Variants in HIVEP3 observed in about 807,000 individuals in gnomAD.
The protein encoded by HIVEP3 is HIVEP zinc finger 3, also known as transcription factor HIVEP3.
A neutral mutation model predicts 152.8 loss-of-function variants in HIVEP3; 49 were observed. That is an observed-to-expected ratio of 0.32 (90% CI 0.26 to 0.41). The LOEUF is 0.41. Among genes scored for constraint, HIVEP3 ranks in the 10% least tolerant of loss-of-function variants. HIVEP3 has a pLI of 1.00. For synonymous variants in HIVEP3, 1,269 were observed against 1,289.0 expected, an observed-to-expected ratio of 0.98 and a Z score of 0.33; for missense variants, 2,790 against 3,103.3, an observed-to-expected ratio of 0.90 and a Z score of 2.40.
chr1:41,634,121 TA>T (rs11337584), intron 2 of HIVEP3, among the ~76,000 whole-genome samples: 18,621 of 141,658 alleles, frequency 0.13, 1,958 homozygotes, highest in East Asian at 0.49. Context: ...CATCTTTTCT[TA>T]AAAAAAAAAA....
intron 1 of HIVEP3, among the ~76,000 whole-genome samples, chr1:41,906,697 T>C (rs1289517154): frequency 1.3e-5 from 2 of 152,174 alleles, no homozygotes; most frequent in Admixed American, 1.3e-4. Flanking sequence ...TTATACTCAA[T>C]TTAGAAAATA....
intron 5 of HIVEP3, among the ~76,000 whole-genome samples, chr1:41,571,200 GT>G (rs567779385): frequency 2.0e-5 from 3 of 152,310 alleles, no homozygotes; most frequent in Admixed American, 2.0e-4. Flanking sequence ...ACTGGGCTTG[GT>G]CAGCCAGGTG....
chr1:41,686,085 T>TG (rs1428845633), intron 2 of HIVEP3, among the ~76,000 whole-genome samples: 6 of 134,996 alleles, frequency 4.4e-5, no homozygotes, highest in Non-Finnish European at 7.6e-5. Flanking sequence ...TGTTTTGTTT[T>TG]TTTTGAGATG....
intron 3 of HIVEP3, among the ~76,000 whole-genome samples, chr1:41,596,241 G>C (rs1225585299): frequency 1.3e-5 from 2 of 152,214 alleles, no homozygotes; most frequent in Non-Finnish European, 2.9e-5. Flanking sequence ...CTGAAAGCAG[G>C]TGGAAGGCAC....
At chr1:41,797,544 G>A (rs529627523) in intron 1 of HIVEP3, among the ~76,000 whole-genome samples, 1 of 152,212 alleles carries the variant, frequency 6.6e-6, no homozygotes, top group African/African-American at 2.4e-5. Context: ...GTAGGAGGAG[G>A]GGAAATATTT....
chr1:41,857,880 C>G (rs1643811345), intron 1 of HIVEP3, among the ~76,000 whole-genome samples: 1 of 152,132 alleles, frequency 6.6e-6, no homozygotes, highest in South Asian at 2.1e-4. Context: ...GCTCAGAAAG[C>G]AAGGACAACC....
intron 6 of HIVEP3, among the ~76,000 whole-genome samples, chr1:41,523,341 G>T (rs1642814831): frequency 6.6e-6 from 1 of 152,156 alleles, no homozygotes; most frequent in Non-Finnish European, 1.5e-5. Flanking sequence ...GCAACCTTTG[G>T]GACATTGTTT....
chr1:41,561,712 AC>A (rs1393681188), intron 5 of HIVEP3, among the ~76,000 whole-genome samples: 1 of 12,298 alleles, frequency 8.1e-5, no homozygotes, highest in African/African-American at 2.2e-4. Context: ...ACAAGGCTTT[AC>A]CACGTTGCCC....
At chr1:41,704,632 C>T (rs1404362665) in intron 1 of HIVEP3, among the ~76,000 whole-genome samples, 1 of 152,230 alleles carries the variant, frequency 6.6e-6, no homozygotes, top group Admixed American at 6.5e-5. Flanking sequence ...TTCTTTGCCT[C>T]GTTTAGACTT....
chr1:41,849,705 T>C (rs978618835), intron 1 of HIVEP3, among the ~76,000 whole-genome samples: 1 of 152,030 alleles, frequency 6.6e-6, no homozygotes, highest in Non-Finnish European at 1.5e-5. Flanking sequence ...TCTTTTTTTT[T>C]TTTTTTTCCA....
intron 5 of HIVEP3, among the ~76,000 whole-genome samples, chr1:41,556,207 C>T (rs998822907): frequency 1.3e-5 from 2 of 152,120 alleles, no homozygotes; most frequent in African/African-American, 4.8e-5. Flanking sequence ...ACTACCATAC[C>T]GTTTTTCACA....
chr1:41,576,477 T>C (rs1329781800), intron 4 of HIVEP3, among the ~76,000 whole-genome samples: 1 of 152,190 alleles, frequency 6.6e-6, no homozygotes, highest in Non-Finnish European at 1.5e-5. Context: ...TGCAGTGTTG[T>C]CAGGGGTGGG....
chr1:41,855,242 T>C (rs1643725551), intron 1 of HIVEP3, among the ~76,000 whole-genome samples: 2 of 151,532 alleles, frequency 1.3e-5, no homozygotes, highest in Non-Finnish European at 2.9e-5. Flanking sequence ...TGATATCTCA[T>C]AGTGGTTTTG....
chr1:41,719,658 T>C (rs1318890383), intron 1 of HIVEP3, among the ~76,000 whole-genome samples: 1 of 152,208 alleles, frequency 6.6e-6, no homozygotes, highest in East Asian at 1.9e-4. Flanking sequence ...CTTGGGGTTC[T>C]TGAGATGTCC....
intron 1 of HIVEP3, among the ~76,000 whole-genome samples, chr1:41,974,503 A>G (rs1277820793): frequency 6.6e-6 from 1 of 151,458 alleles, no homozygotes; most frequent in African/African-American, 2.4e-5. Context: ...ACACACACAC[A>G]CACACACACA....
chr1:41,982,511 T>C (rs1022742947), intron 1 of HIVEP3, among the ~76,000 whole-genome samples: 1 of 152,164 alleles, frequency 6.6e-6, no homozygotes, highest in Non-Finnish European at 1.5e-5. Flanking sequence ...GAGGAATTTA[T>C]GTAATGCTTT....
intron 1 of HIVEP3, among the ~76,000 whole-genome samples, chr1:41,970,240 T>C (rs1645221373): frequency 6.6e-6 from 1 of 152,226 alleles, no homozygotes; most frequent in African/African-American, 2.4e-5. Flanking sequence ...CATGCATGCA[T>C]ATGTTCATTG....
At chr1:41,692,738 T>C (rs184471984) in intron 2 of HIVEP3, among the ~76,000 whole-genome samples, 1 of 152,360 alleles carries the variant, frequency 6.6e-6, no homozygotes, top group East Asian at 1.9e-4. Flanking sequence ...ACCCTTTTGA[T>C]ACTTTAAAAA....
intron 1 of HIVEP3, among the ~76,000 whole-genome samples, chr1:41,796,960 C>T (rs1650019290): frequency 6.6e-6 from 1 of 152,180 alleles, no homozygotes; most frequent in Non-Finnish European, 1.5e-5. Context: ...GATCCAGAAG[C>T]TACATTGTGA....
Sources: allele counts gnomAD v4.1 joint callset (sites outside exome capture counted in the v4.1 genomes callset), GRCh38; gene constraint gnomAD v4.1.1; transcripts MANE v1.5; gene names NCBI Gene and HGNC (gene_info 2026-07-23, HGNC 2026-07-21).